The following TMEM131L variants were observed in gnomAD, a reference collection of about 807,000 sequenced individuals.
The protein encoded by TMEM131L is transmembrane 131 like.
TMEM131L carries 54 observed loss-of-function variants against 192.2 expected under a neutral mutation model. The ratio of observed to expected loss-of-function variants is 0.28; its 90% CI spans 0.23 to 0.35. The LOEUF (loss-of-function observed/expected upper bound fraction) is 0.35, where lower values mean the gene tolerates loss of function less well. Ranked by LOEUF, TMEM131L falls within the 10% of genes least tolerant of loss-of-function variation. The probability of loss-of-function intolerance (pLI) is 1.00; values close to 1 mark genes in which losing one functional copy is unlikely to be tolerated. For missense variants in TMEM131L, 1,888 were observed against 1,972.9 expected (o/e 0.96, Z 0.82); for synonymous variants, 701 against 704.9 (o/e 0.99, Z 0.09).
At chr4:153,624,758 C>T (rs1733710631) in intron 29 of TMEM131L, among the ~76,000 whole-genome samples, 1 of 152,214 alleles carries the variant, frequency 6.6e-6, no homozygotes, top group South Asian at 2.1e-4. Flanking sequence ...CACCTCATCT[C>T]CTATTCTCCT....
intron 29 of TMEM131L, among the ~76,000 whole-genome samples, chr4:153,624,495 T>C (rs1037712307): frequency 1.8e-4 from 27 of 152,368 alleles, no homozygotes; most frequent in African/African-American, 6.3e-4. Context: ...GTTTTCAACA[T>C]AGTAAACTTT....
At chr4:153,534,421 G>A (rs1328727414) in intron 3 of TMEM131L, among the ~76,000 whole-genome samples, 1 of 151,758 alleles carries the variant, frequency 6.6e-6, no homozygotes, top group African/African-American at 2.4e-5. Context: ...TGAAGGAGGT[G>A]GAGGATTTAT....
chr4:153,617,604 A>G (rs1733078705), intron 26 of TMEM131L, among the ~76,000 whole-genome samples: 1 of 152,200 alleles, frequency 6.6e-6, no homozygotes, highest in African/African-American at 2.4e-5. Context: ...AAAAAAAACT[A>G]TCCATCCAAA....
chr4:153,609,556 A>T (rs995460782), intron 25 of TMEM131L, among the ~76,000 whole-genome samples: 2 of 152,192 alleles, frequency 1.3e-5, no homozygotes, highest in African/African-American at 4.8e-5. Flanking sequence ...AGAATTTCTC[A>T]GAGTCACTGC....
At position 153,603,917 on chromosome 4, in the gene TMEM131L, C is replaced by T; in HGVS notation, c.2905C>T (p.Pro969Ser). The T allele has an allele frequency of 1.2e-6, 2 of 1,614,066 alleles. No homozygotes were observed. Among genetic ancestry groups the T allele is most frequent in the African/African-American group, 1.3e-5 (1 of 75,042 alleles). The change falls in exon 25 of 35, where the codon CCA becomes TCA. Residue 969 changes from proline to serine, a missense_variant. Transcript: ENST00000409959. ...SRIQNAAKRS[P>S]ATYGHSQKKH... ...GATCCAGAATGCTGCAAAGAGGAGC[C>T]CAGCCACCTATGGTCATTCTCAGAA...
chr4:153,579,866 A>G (rs1730213223), intron 7 of TMEM131L, among the ~76,000 whole-genome samples: 1 of 152,208 alleles, frequency 6.6e-6, no homozygotes. Context: ...TAAGTTTTAT[A>G]AATCTAACAA....
intron 7 of TMEM131L, among the ~76,000 whole-genome samples, chr4:153,577,051 T>A (rs1250762117): frequency 6.6e-6 from 1 of 152,144 alleles, no homozygotes; most frequent in Non-Finnish European, 1.5e-5. Context: ...TGCTGTGGTG[T>A]CTGAGAGGGT....
chr4:153,566,214 C>A (rs1397681443), intron 7 of TMEM131L, among the ~76,000 whole-genome samples: 1 of 151,800 alleles, frequency 6.6e-6, no homozygotes, highest in African/African-American at 2.4e-5. Context: ...CGGCTCACTG[C>A]AAGCTCCGCC....
intron 7 of TMEM131L, among the ~76,000 whole-genome samples, chr4:153,559,844 T>G (rs1001082835): frequency 6.6e-6 from 1 of 152,116 alleles, no homozygotes; most frequent in African/African-American, 2.4e-5. Context: ...ATCCCGCTTA[T>G]GGCTGTAAGA....
chr4:153,530,293 T>TG (rs1735800214), intron 3 of TMEM131L, among the ~76,000 whole-genome samples: 1 of 152,150 alleles, frequency 6.6e-6, no homozygotes, highest in Admixed American at 6.5e-5. Flanking sequence ...GGTGGCATTT[T>TG]GGGGAAAAGA....
At chr4:153,582,060 C>T (rs1170530010) in intron 9 of TMEM131L, among the ~76,000 whole-genome samples, 1 of 152,200 alleles carries the variant, frequency 6.6e-6, no homozygotes, top group Non-Finnish European at 1.5e-5. Flanking sequence ...TAAATGCATT[C>T]ATCTGTTTAA....
At chr4:153,486,556 T>C (rs545816153) in intron 3 of TMEM131L, among the ~76,000 whole-genome samples, 1 of 152,234 alleles carries the variant, frequency 6.6e-6, no homozygotes, top group Admixed American at 6.5e-5. Flanking sequence ...CCTGGGAGCC[T>C]GGTTCTTCGG....
At chr4:153,544,392 A>T (rs1385144258) in intron 3 of TMEM131L, among the ~76,000 whole-genome samples, 3 of 152,168 alleles carry the variant, frequency 2.0e-5, no homozygotes, top group Non-Finnish European at 4.4e-5. Flanking sequence ...ACAGCACGTC[A>T]CCTGGGGAAG....
intron 3 of TMEM131L, among the ~76,000 whole-genome samples, chr4:153,543,867 T>C (rs1353912088): frequency 6.6e-6 from 1 of 152,238 alleles, no homozygotes; most frequent in Non-Finnish European, 1.5e-5. Flanking sequence ...CTCATTTCTT[T>C]GAATAATGAG....
chr4:153,514,918 T>C (rs1177997034), intron 3 of TMEM131L, among the ~76,000 whole-genome samples: 1 of 151,986 alleles, frequency 6.6e-6, no homozygotes, highest in Non-Finnish European at 1.5e-5. Context: ...GTTCAAGCAA[T>C]TCTCTGCCTC....
intron 3 of TMEM131L, among the ~76,000 whole-genome samples, chr4:153,521,962 A>T (rs1045338280): frequency 6.6e-6 from 1 of 151,780 alleles, no homozygotes; most frequent in Non-Finnish European, 1.5e-5. Context: ...AAAAGATTAC[A>T]TTATTCCCCT....
At chr4:153,521,610 C>T (rs181026376) in intron 3 of TMEM131L, among the ~76,000 whole-genome samples, 5 of 152,214 alleles carry the variant, frequency 3.3e-5, no homozygotes, top group Admixed American at 6.5e-5. Context: ...GAGCAACTAT[C>T]GCCACCATCC....
At chr4:153,503,471 A>G (rs1171526819) in intron 3 of TMEM131L, among the ~76,000 whole-genome samples, 2 of 152,228 alleles carry the variant, frequency 1.3e-5, no homozygotes, top group Non-Finnish European at 2.9e-5. Flanking sequence ...TTTCAGATTT[A>G]CTCATTATTT....
chr4:153,509,913 A>G (rs542537432), intron 3 of TMEM131L, among the ~76,000 whole-genome samples: 44 of 152,322 alleles, frequency 2.9e-4, no homozygotes, highest in African/African-American at 9.4e-4. Flanking sequence ...GTAGGATGGC[A>G]GCTGCTTTTA....
Sources: gnomAD v4.1 joint callset for allele counts (sites outside exome capture counted in the v4.1 genomes callset) on GRCh38, gnomAD v4.1.1 for gene constraint, MANE v1.5 for transcripts, NCBI Gene and HGNC (gene_info 2026-07-23, HGNC 2026-07-21) for gene names.